The following R3HCC1L variants were observed in gnomAD, a reference collection of about 807,000 sequenced individuals.
R3HCC1L encodes coiled-coil domain-containing protein R3HCC1L.
R3HCC1L carries 51 observed loss-of-function variants against 59.9 expected under a neutral mutation model. That is an observed-to-expected ratio of 0.85 (90% CI 0.68 to 1.07). The LOEUF (loss-of-function observed/expected upper bound fraction) is 1.07, where lower values mean the gene tolerates loss of function less well. Among genes scored for constraint, R3HCC1L ranks in the 50% least tolerant of loss-of-function variants. R3HCC1L has a pLI of 0.00. For missense variants in R3HCC1L, 965 were observed against 933.0 expected (o/e 1.03, Z -0.45); for synonymous variants, 322 against 315.2 (o/e 1.02, Z -0.23).
chr10:98,135,218 C>G (rs959160897), intron 1 of R3HCC1L, among the ~76,000 whole-genome samples: 1 of 152,188 alleles, frequency 6.6e-6, no homozygotes, highest in African/African-American at 2.4e-5. Context: ...GGCAGGCCTG[C>G]GAAAAACCCC....
intron 4 of R3HCC1L, among the ~76,000 whole-genome samples, chr10:98,206,239 A>G (rs1590702862): frequency 3.8e-5 from 2 of 53,296 alleles, no homozygotes; most frequent in East Asian, 6.1e-4. Context: ...TGGGGCTTTT[A>G]TTGACCTTGT....
chr10:98,213,870 A>C (rs1158419674), intron 5 of R3HCC1L, among the ~76,000 whole-genome samples: 1 of 152,122 alleles, frequency 6.6e-6, no homozygotes, highest in Non-Finnish European at 1.5e-5. Flanking sequence ...TTGACTGCCT[A>C]AGTGGGGATT....
intron 4 of R3HCC1L, among the ~76,000 whole-genome samples, chr10:98,166,879 A>G (rs554979118): frequency 6.6e-6 from 1 of 152,070 alleles, no homozygotes; most frequent in Non-Finnish European, 1.5e-5. Context: ...GTTAGCCAGG[A>G]TGGTCTCGAT....
At chr10:98,150,678 TG>T (rs1199873666) in intron 1 of R3HCC1L, among the ~76,000 whole-genome samples, 3 of 152,180 alleles carry the variant, frequency 2.0e-5, no homozygotes, top group Non-Finnish European at 4.4e-5. Flanking sequence ...AGGCTGGCTA[TG>T]GGTTCATGCC....
intron 1 of R3HCC1L, among the ~76,000 whole-genome samples, chr10:98,140,503 C>G (rs778075596): frequency 1.3e-5 from 2 of 151,996 alleles, no homozygotes; most frequent in African/African-American, 2.4e-5. Flanking sequence ...GGACAGTCAC[C>G]TAGGCAGAGT....
rs370766255 is a variant in R3HCC1L at position 98,230,107 on chromosome 10, T to G, written c.1786-1405T>G. On this transcript the variant is annotated intron_variant, in intron 5 of 9. Coordinates refer to ENST00000298999, the MANE Select transcript of R3HCC1L (RefSeq NM_001351015.2). Reference sequence around the variant, plus strand: ...GATGCTGGCCTCATAAAATGAGTTATGGAGGATTCCCTCTTTTTCTATTGA... The same window carrying G: ...GATGCTGGCCTCATAAAATGAGTTAGGGAGGATTCCCTCTTTTTCTATTGA... Among the ~76,000 whole-genome samples the G allele has an allele frequency of 1.1e-4, 16 of 152,274 alleles. No individual in the cohort carries two copies. In the South Asian group the frequency reaches 1.2e-3, roughly 12 times the overall value.
chr10:98,180,148 T>A (rs1362162280), intron 4 of R3HCC1L, among the ~76,000 whole-genome samples: 1 of 152,216 alleles, frequency 6.6e-6, no homozygotes, highest in African/African-American at 2.4e-5. Flanking sequence ...CTTGTTATGT[T>A]AGGGTGTCGA....
At position 98,134,673 on chromosome 10, in the gene R3HCC1L, G is replaced by A. The variant is rs1318464998; in HGVS notation, c.-301G>A. On this transcript the variant is annotated 5_prime_UTR_variant, in exon 1 of 10. Coordinates refer to ENST00000298999, the MANE Select transcript of R3HCC1L (RefSeq NM_001351015.2). ...GCGAGCGGAAGAGATAGAGCTTCGC[G>A]GAGACGGCGGAAGCGGAGAGCAACA... 6.6e-6 allele frequency: 1 copy of A among 152,276 alleles called. No individual in the cohort carries two copies. The highest frequency in any genetic ancestry group is 1.5e-5 in the Non-Finnish European group (1 of 68,098). 9.4% of individuals were successfully genotyped at this position (152,276 alleles called of 1,614,324 possible).
chr10:98,205,290 A>G (rs1325974392), intron 4 of R3HCC1L, among the ~76,000 whole-genome samples: 1 of 152,082 alleles, frequency 6.6e-6, no homozygotes, highest in African/African-American at 2.4e-5. Flanking sequence ...CCCCAACTCT[A>G]TATTTGGTGA....
chr10:98,211,022 C>T (rs1853504128), intron 5 of R3HCC1L, among the ~76,000 whole-genome samples: 1 of 152,160 alleles, frequency 6.6e-6, no homozygotes. Flanking sequence ...TTTCCCTGTA[C>T]CACAAACGAG....
intron 1 of R3HCC1L, among the ~76,000 whole-genome samples, chr10:98,140,274 A>G (rs1465464205): frequency 1.3e-5 from 2 of 152,210 alleles, no homozygotes; most frequent in Non-Finnish European, 2.9e-5. Context: ...TGTCTTTAAA[A>G]TAGGGTTAAT....
intron 4 of R3HCC1L, among the ~76,000 whole-genome samples, chr10:98,184,088 G>A (rs1002117950): frequency 5.3e-5 from 8 of 151,712 alleles, no homozygotes; most frequent in Non-Finnish European, 1.0e-4. Context: ...GGGGAGGAAT[G>A]TTGAGGGTTT....
chr10:98,243,995 G>T, intron 9 of R3HCC1L, 96 bp from the exon 10 acceptor site: 1 of 1,022,730 alleles, frequency 9.8e-7, no homozygotes, highest in Non-Finnish European at 1.5e-6. Flanking sequence ...ATATCCACTT[G>T]TCTCATGACT....
At chr10:98,243,658 A>G (rs1857780706) in intron 9 of R3HCC1L, among the ~76,000 whole-genome samples, 2 of 152,246 alleles carry the variant, frequency 1.3e-5, no homozygotes, top group South Asian at 2.1e-4. Context: ...AGGGGCTACC[A>G]TTTCCATTTA....
At chr10:98,228,364 G>A (rs1313204661) in intron 5 of R3HCC1L, among the ~76,000 whole-genome samples, 1 of 152,086 alleles carries the variant, frequency 6.6e-6, no homozygotes, top group Non-Finnish European at 1.5e-5. Context: ...TGTGTCTTTT[G>A]GCTGCATAAA....
chr10:98,177,977 T>G (rs1849214341), intron 4 of R3HCC1L, among the ~76,000 whole-genome samples: 1 of 152,218 alleles, frequency 6.6e-6, no homozygotes, highest in South Asian at 2.1e-4. Flanking sequence ...ATGAGTAGAT[T>G]GCAAACATTT....
chr10:98,201,032 T>A (rs962631192), intron 4 of R3HCC1L, among the ~76,000 whole-genome samples: 1 of 152,190 alleles, frequency 6.6e-6, no homozygotes, highest in East Asian at 1.9e-4. Flanking sequence ...CATTTGAATA[T>A]ACACACAAAA....
intron 4 of R3HCC1L, among the ~76,000 whole-genome samples, chr10:98,167,701 A>T (rs548860709): frequency 6.6e-6 from 1 of 152,198 alleles, no homozygotes; most frequent in Non-Finnish European, 1.5e-5. Context: ...TTTGAAATCC[A>T]ATCCACGGAC....
At chr10:98,188,115 G>A (rs955808074) in intron 4 of R3HCC1L, among the ~76,000 whole-genome samples, 10 of 152,038 alleles carry the variant, frequency 6.6e-5, no homozygotes, top group African/African-American at 2.4e-4. Context: ...TCAAATTAAG[G>A]AGAAACATCT....
Sources: gnomAD v4.1 joint callset for allele counts (sites outside exome capture counted in the v4.1 genomes callset) on GRCh38, gnomAD v4.1.1 for gene constraint, MANE v1.5 for transcripts, NCBI Gene and HGNC (gene_info 2026-07-23, HGNC 2026-07-21) for gene names.